The following FNDC3B variants were observed in gnomAD, a reference collection of about 807,000 sequenced individuals.
FNDC3B encodes the protein fibronectin type III domain-containing protein 3B.
In FNDC3B, 12 loss-of-function variants were observed where a neutral mutation model predicts 151.5. The observed-to-expected ratio is 0.08, with a 90% CI of 0.05 to 0.13. The LOEUF (loss-of-function observed/expected upper bound fraction) is 0.13, where lower values mean the gene tolerates loss of function less well. Ranked by LOEUF, FNDC3B falls within the 10% of genes least tolerant of loss-of-function variation. The probability of loss-of-function intolerance (pLI) is 1.00; values close to 1 mark genes in which losing one functional copy is unlikely to be tolerated. For synonymous variants in FNDC3B, 528 were observed against 549.0 expected, an observed-to-expected ratio of 0.96 and a Z score of 0.54; for missense variants, 1,214 against 1,505.3, an observed-to-expected ratio of 0.81 and a Z score of 3.20.
At chr3:172,350,015 C>T (rs940987090) in intron 21 of FNDC3B, among the ~76,000 whole-genome samples, 5 of 152,108 alleles carry the variant, frequency 3.3e-5, no homozygotes, top group South Asian at 2.1e-4. Context: ...TGTTTCTCTT[C>T]GGAAAAGCAG....
At chr3:172,347,047 G>A (rs1048290011) in intron 20 of FNDC3B, among the ~76,000 whole-genome samples, 165 bp from the exon 21 acceptor site, 2 of 152,088 alleles carry the variant, frequency 1.3e-5, no homozygotes, top group African/African-American at 4.8e-5. Flanking sequence ...AAATTTTGTG[G>A]GTACATAGTA....
chr3:172,369,800 C>T (rs970434111), intron 23 of FNDC3B, among the ~76,000 whole-genome samples: 1 of 152,102 alleles, frequency 6.6e-6, no homozygotes, highest in African/African-American at 2.4e-5. Flanking sequence ...TAGACATGGT[C>T]GGACTCTGTG....
chr3:172,110,637 C>T (rs1324913749), intron 1 of FNDC3B, among the ~76,000 whole-genome samples: 1 of 151,588 alleles, frequency 6.6e-6, no homozygotes, highest in African/African-American at 2.4e-5. Flanking sequence ...CTTTGGCACT[C>T]GCTAATGTAG....
At chr3:172,239,466 CAGG>C (rs1727353690) in intron 4 of FNDC3B, among the ~76,000 whole-genome samples, 3 of 152,144 alleles carry the variant, frequency 2.0e-5, no homozygotes, top group African/African-American at 7.2e-5. Context: ...TTTCTGTGTC[CAGG>C]CAACTCACCC....
intron 6 of FNDC3B, among the ~76,000 whole-genome samples, chr3:172,259,902 T>C (rs1489713204): frequency 3.3e-5 from 5 of 152,218 alleles, no homozygotes; most frequent in Non-Finnish European, 5.9e-5. Flanking sequence ...AAGCTTCACA[T>C]TTTTCACTTG....
At chr3:172,337,826 T>C (rs985790294) in intron 16 of FNDC3B, 1 of 205,072 alleles carries the variant, frequency 4.9e-6, no homozygotes, top group Admixed American at 5.6e-5. Context: ...AATACATTTT[T>C]CATAGTGATG....
At chr3:172,085,092 C>T (rs1360109242) in intron 1 of FNDC3B, among the ~76,000 whole-genome samples, 2 of 152,218 alleles carry the variant, frequency 1.3e-5, no homozygotes, top group East Asian at 3.9e-4. Flanking sequence ...TCTCCTTGAT[C>T]TTAGATTATG....
Position 172,278,665 on chromosome 3 carries a change from G to A in FNDC3B, c.791-7261G>A, listed in dbSNP as rs745427649. Among the ~76,000 whole-genome samples, 6 of 152,236 alleles carry A rather than the reference G, an allele frequency of 3.9e-5. No individual in the cohort carries two copies. The Middle Eastern group carries it at 0.01, about 259-fold the overall frequency. The stretch of plus-strand genomic sequence containing the variant: ...CCTTTGGCCGGGTGTGGTGGCTCAC[G>A]CCTGTAATCCCAGCACTTTGGGAGG... On this transcript the variant is annotated intron_variant, in intron 6 of 25. Coordinates refer to ENST00000415807, the MANE Select transcript of FNDC3B (RefSeq NM_022763.4).
intron 3 of FNDC3B, among the ~76,000 whole-genome samples, chr3:172,165,352 A>G (rs996472062): frequency 2.0e-5 from 3 of 152,184 alleles, no homozygotes; most frequent in Admixed American, 1.3e-4. Context: ...AGCCTACCCA[A>G]AAGTCAATTC....
At chr3:172,345,179 T>A (rs1733541758) in intron 19 of FNDC3B, among the ~76,000 whole-genome samples, 1 of 152,266 alleles carries the variant, frequency 6.6e-6, no homozygotes, top group African/African-American at 2.4e-5. Context: ...GGATTTCTCC[T>A]AATTCTCCAA....
chr3:172,110,128 C>T (rs897977851), intron 1 of FNDC3B, among the ~76,000 whole-genome samples: 7 of 152,104 alleles, frequency 4.6e-5, no homozygotes, highest in Non-Finnish European at 7.3e-5. Context: ...CAATGCCTAC[C>T]AGAAGGTTAG....
At chr3:172,250,268 A>G (rs538826995) in intron 5 of FNDC3B, among the ~76,000 whole-genome samples, 6 of 152,292 alleles carry the variant, frequency 3.9e-5, no homozygotes, top group South Asian at 4.1e-4. Flanking sequence ...CTTGCCTTCT[A>G]TTACTCCAAA....
intron 3 of FNDC3B, among the ~76,000 whole-genome samples, chr3:172,147,039 G>A (rs1231855759): frequency 1.3e-5 from 2 of 152,178 alleles, no homozygotes; most frequent in East Asian, 3.9e-4. Flanking sequence ...CAGGCGTGGT[G>A]CCTCACGCCT....
intron 3 of FNDC3B, among the ~76,000 whole-genome samples, chr3:172,186,217 C>A (rs1274190428): frequency 6.6e-6 from 1 of 152,118 alleles, no homozygotes; most frequent in Non-Finnish European, 1.5e-5. Flanking sequence ...ACTATAGTTT[C>A]TTTACTATAT....
At chr3:172,365,795 TCTTAACA>T (rs1734593223) in intron 23 of FNDC3B, among the ~76,000 whole-genome samples, 2 of 152,238 alleles carry the variant, frequency 1.3e-5, no homozygotes, top group African/African-American at 4.8e-5. Context: ...TAAGTGTTCT[TCTTAACA>T]CTTAAGTATA....
At chr3:172,326,947 G>T (rs955087416) in intron 11 of FNDC3B, among the ~76,000 whole-genome samples, 1 of 152,084 alleles carries the variant, frequency 6.6e-6, no homozygotes, top group African/African-American at 2.4e-5. Flanking sequence ...TGGCAGGATG[G>T]GCCTTTCTTG....
chr3:172,188,233 G>A (rs1724305864), intron 3 of FNDC3B, among the ~76,000 whole-genome samples: 2 of 151,964 alleles, frequency 1.3e-5, no homozygotes, highest in Non-Finnish European at 2.9e-5. Flanking sequence ...GACCTCAGGT[G>A]ATCCACCTGC....
intron 3 of FNDC3B, among the ~76,000 whole-genome samples, chr3:172,192,532 A>C (rs1427904451): frequency 6.6e-6 from 1 of 152,068 alleles, no homozygotes; most frequent in African/African-American, 2.4e-5. Context: ...GCAAGTAAAC[A>C]AAGATTTTAC....
At chr3:172,230,009 A>G (rs62281789) in intron 4 of FNDC3B, among the ~76,000 whole-genome samples, 244 of 152,330 alleles carry the variant, frequency 1.6e-3, no homozygotes, top group Non-Finnish European at 3.0e-3. Context: ...GCAAAAATTA[A>G]CTCAAAATGG....
Sources: gnomAD v4.1 joint callset for allele counts (sites outside exome capture counted in the v4.1 genomes callset) on GRCh38, gnomAD v4.1.1 for gene constraint, MANE v1.5 for transcripts, NCBI Gene and HGNC (gene_info 2026-07-23, HGNC 2026-07-21) for gene names.